DKC1: variants seen among roughly 807,000 people sequenced by gnomAD.
DKC1 encodes dyskerin pseudouridine synthase 1.
In DKC1, 4 loss-of-function variants were observed where a neutral mutation model predicts 46.7. The observed-to-expected ratio is 0.09, with a 90% confidence interval of 0.04 to 0.20. DKC1 has a LOEUF of 0.20. DKC1 is among the 10% of genes least tolerant of loss of function. The pLI is 1.00. For synonymous variants in DKC1, 141 were observed against 142.4 expected (o/e 0.99, Z 0.07); for missense variants, 171 against 404.2 (o/e 0.42, Z 4.95).
intron 2 of DKC1, 100 bp downstream of exon 2, chrX:154,765,066 G>T: frequency 1.4e-6 from 1 of 705,123 alleles, no homozygotes; most frequent in East Asian, 3.2e-5. Flanking sequence ...CCAAGGAATG[G>T]GCCAGCATTG....
Position 154,774,586 on chromosome X carries a change from C to G in DKC1, c.1156-16C>G, listed in dbSNP as rs2071870851. On this transcript the variant is annotated splice_polypyrimidine_tract_variant and intron_variant, in intron 11 of 14. Transcript: ENST00000369550. ...ATTGACACCATTCTAATGTTGACACCTTGATGTTCCACCAGGCAAGTCAGA... is the reference window on the plus strand; with the variant it reads ...ATTGACACCATTCTAATGTTGACACGTTGATGTTCCACCAGGCAAGTCAGA... The G allele has an allele frequency of 1.7e-6, 2 of 1,199,721 alleles. No individual in the cohort carries two copies. The highest frequency in any genetic ancestry group is 1.7e-5 in the African/African-American group (1 of 57,587).
At chrX:154,771,821 G>T (rs1339975099) in intron 10 of DKC1, among the ~76,000 whole-genome samples, 4 of 111,783 alleles carry the variant, frequency 3.6e-5, no homozygotes, top group Non-Finnish European at 5.6e-5. Context: ...CCAAATCTTG[G>T]CTACTGTGAT....
At chrX:154,764,223 T>G (rs2071718052) in intron 1 of DKC1, among the ~76,000 whole-genome samples, 1 of 108,037 alleles carries the variant, frequency 9.3e-6, no homozygotes, top group African/African-American at 3.3e-5. Context: ...TATGTATGTA[T>G]TATATGTATG....
intron 10 of DKC1, among the ~76,000 whole-genome samples, chrX:154,772,267 G>A (rs1291067793): frequency 3.6e-5 from 4 of 111,680 alleles, no homozygotes; most frequent in Non-Finnish European, 7.5e-5. Context: ...TTGTCAGATG[G>A]GTAGTTTGCG....
At chrX:154,768,993 C>CAAAAAA (rs1158256142) in intron 8 of DKC1, among the ~76,000 whole-genome samples, 174 bp from the exon 9 acceptor site, 1 of 16,349 alleles carries the variant, frequency 6.1e-5, no homozygotes, top group African/African-American at 1.6e-4. Flanking sequence ...GACTCCGTCT[C>CAAAAAA]AAAAAAAAAA....
chrX:154,763,836 T>C (rs1282770309), intron 1 of DKC1, among the ~76,000 whole-genome samples: 2 of 111,522 alleles, frequency 1.8e-5, no homozygotes, highest in East Asian at 5.6e-4. Flanking sequence ...CGTCGAGAGT[T>C]TGTGTACTTA....
rs1454592350 is a variant in DKC1, at chrX:154,769,696, ATGTT to A, written c.915+390_915+393del. 2.7e-5 allele frequency among the ~76,000 whole-genome samples: 3 copies of A among 112,509 alleles called. No individual in the cohort carries two copies. The East Asian group carries it at 8.3e-4, about 31-fold the overall frequency. On this transcript the variant is annotated intron_variant, in intron 9 of 14. Coordinates refer to ENST00000369550, the MANE Select transcript of DKC1 (RefSeq NM_001363.5). ...GGATAAAAATTTCTGGATATTTAAA[ATGTT>A]TGTAGTTGGTAATTATTTATATTCA... is the stretch of plus-strand genomic sequence containing the variant.
intron 5 of DKC1, 116 bp downstream of exon 5, chrX:154,766,516 A>G: frequency 1.3e-6 from 1 of 777,410 alleles, no homozygotes; most frequent in Non-Finnish European, 1.9e-6. Context: ...ATCCTAAAGC[A>G]AGGATATTGT....
rs1557264513 is a variant in DKC1 at position 154,768,527 on chromosome X, T to C, written c.771+95T>C. On this transcript the variant is annotated intron_variant, in intron 8 of 14. Coordinates refer to ENST00000369550, the MANE Select transcript of DKC1 (RefSeq NM_001363.5). ...TTGCTTCATGTCGTGGGAAAGATGC[T>C]TTCCAAAGTGTTGAGTTCAGTCCAG... 3.6e-6 allele frequency: 4 copies of C among 1,124,043 alleles called. No homozygotes were observed. The South Asian group carries it at 7.3e-5, about 20-fold the overall frequency. The allele number at this position is 1,124,043 out of a possible 1,213,427, so 92.6% of individuals were successfully genotyped here.
chrX:154,770,876 A>G lies in DKC1; in HGVS notation c.1033A>G (p.Met345Val), dbSNP rs1350308277. Reference protein sequence around the residue: ...VITTKGEAICMAIALMTTAVI... With the variant: ...VITTKGEAICVAIALMTTAVI... ...CACCACCAAAGGAGAAGCAATCTGCATGGGTAAGAGGGGATGTTTATTTTT... is the reference window on the plus strand; with the variant it reads ...CACCACCAAAGGAGAAGCAATCTGCGTGGGTAAGAGGGGATGTTTATTTTT... Residue 345 changes from methionine to valine, a missense_variant, in exon 10 of 15, where the codon ATG becomes GTG. Met to Val is a conservative substitution (Grantham distance 21). Around this residue, in one of 4 missense-constraint regions of DKC1, gnomAD observed 60 missense variants for 206.5 expected, o/e 0.29. Coordinates refer to ENST00000369550, the MANE Select transcript of DKC1 (RefSeq NM_001363.5). The G allele has an allele frequency of 8.3e-7, 1 of 1,209,493 alleles. No individual in the cohort carries two copies. Among genetic ancestry groups the G allele is most frequent in the Non-Finnish European group, 1.1e-6 (1 of 894,566 alleles).
intron 3 of DKC1, 23 bp from the exon 4 acceptor site, chrX:154,765,884 T>A: frequency 8.8e-7 from 1 of 1,135,183 alleles, no homozygotes; most frequent in Non-Finnish European, 1.2e-6. Context: ...TATTTTGTTT[T>A]GTGTTGTGTC....
chrX:154,765,867 G>C, intron 3 of DKC1, 40 bp from the exon 4 acceptor site: 4 of 1,048,869 alleles, frequency 3.8e-6, no homozygotes, highest in Middle Eastern at 2.5e-4. Context: ...ATGTGCTCAC[G>C]ACATGGTATT....
intron 13 of DKC1, 35 bp downstream of exon 13, chrX:154,775,308 T>G (rs2148516973): frequency 8.6e-7 from 1 of 1,164,764 alleles, no homozygotes; most frequent in East Asian, 3.0e-5. Context: ...TGGAATGTGC[T>G]TAGGGAGATA....
At chrX:154,768,661 T>C (rs781822372) in intron 8 of DKC1, 1 of 504,387 alleles carries the variant, frequency 2.0e-6, no homozygotes, top group South Asian at 2.7e-5. Flanking sequence ...CCTACAAAAA[T>C]GCCTGCTTGG....
chrX:154,776,064 A>G (rs1417723026), intron 13 of DKC1, 123 bp from the exon 14 acceptor site: 1 of 918,795 alleles, frequency 1.1e-6, no homozygotes, highest in Non-Finnish European at 1.6e-6. Flanking sequence ...GTTTGTAGTC[A>G]GAAAACGTCC....
rs1268765734 is a variant in DKC1 at position 154,777,102 on chromosome X, TTC to T, written c.*239_*240del. ...AAGAGGCAGAGTTTATCCCAATGAC[TTC>T]TCTGTTTGAGTTGGGAAGCCTCACC... On this transcript the variant is annotated 3_prime_UTR_variant, in exon 15 of 15. Transcript: ENST00000369550. 2 of 319,280 alleles carry T rather than the reference TTC, an allele frequency of 6.3e-6. No homozygotes were observed. Among genetic ancestry groups the T allele is most frequent in the African/African-American group, 5.3e-5 (2 of 37,464 alleles). The allele number at this position is 319,280 out of a possible 1,213,427, so 26.3% of individuals were successfully genotyped here. A position where few individuals can be genotyped will look rare whatever the true frequency, so the allele number is the denominator to read the frequency against.
intron 2 of DKC1, 124 bp from the exon 3 acceptor site, chrX:154,765,320 G>C (rs1386320201): frequency 6.6e-6 from 4 of 604,532 alleles, no homozygotes; most frequent in Admixed American, 2.2e-5. Context: ...TCCCTTGGAG[G>C]TCCCAGTGAA....
At chrX:154,766,510 T>A in intron 5 of DKC1, 110 bp downstream of exon 5, 1 of 782,282 alleles carries the variant, frequency 1.3e-6, no homozygotes, top group Non-Finnish European at 1.9e-6. Context: ...AAAAAAATCC[T>A]AAAGCAAGGA....
Position 154,770,818 on chromosome X carries a change from C to T in DKC1, c.975C>T (p.Asp325=), listed in dbSNP as rs374103494. ...TTCCAGGTGTTCTTCGATATGAGGACGGCATTGAGGTCAATCAGGAGATTG... is the reference window on the plus strand; with the variant it reads ...TTCCAGGTGTTCTTCGATATGAGGATGGCATTGAGGTCAATCAGGAGATTG... ...IMLPGVLRYE[D]GIEVNQEIVV... The change falls in exon 10 of 15, where the codon GAC becomes GAT. Residue 325 remains aspartate, a synonymous_variant. Transcript: ENST00000369550. 37 of 1,209,099 alleles carry T rather than the reference C, an allele frequency of 3.1e-5. No individual in the cohort carries two copies. The South Asian group carries it at 3.2e-4, about 10-fold the overall frequency.
Sources: allele counts gnomAD v4.1 joint callset (sites outside exome capture counted in the v4.1 genomes callset), GRCh38; gene constraint gnomAD v4.1.1; regional missense constraint gnomAD v4.1.1; transcripts MANE v1.5; gene names NCBI Gene and HGNC (gene_info 2026-07-23, HGNC 2026-07-21).